The following ADAM17 variants were observed in gnomAD, a reference collection of about 807,000 sequenced individuals.
ADAM17 encodes the protein ADAM metallopeptidase domain 17, also known as disintegrin and metalloproteinase domain-containing protein 17.
In ADAM17, 39 loss-of-function variants were observed where a neutral mutation model predicts 96.7. That is an observed-to-expected ratio of 0.40 (90% CI 0.31 to 0.53). The LOEUF is 0.53. Ranked by LOEUF, ADAM17 falls within the 20% of genes least tolerant of loss-of-function variation. The probability of loss-of-function intolerance (pLI) is 0.44; values close to 1 mark genes in which losing one functional copy is unlikely to be tolerated. For synonymous variants in ADAM17, 344 were observed against 359.2 expected (o/e 0.96, Z 0.48); for missense variants, 777 against 1,013.2 (o/e 0.77, Z 3.17).
At chr2:9,529,063 T>C (rs1369576735) in intron 4 of ADAM17, among the ~76,000 whole-genome samples, 2 of 152,208 alleles carry the variant, frequency 1.3e-5, no homozygotes, top group African/African-American at 4.8e-5. Context: ...AGTTTATCCA[T>C]ACAATGGAAT....
chr2:9,537,901 GGAGGAGAGGGGGAGGA>G (rs1665034227), intron 2 of ADAM17, among the ~76,000 whole-genome samples: 34 of 61,986 alleles, frequency 5.5e-4, no homozygotes, highest in Non-Finnish European at 7.8e-4. Flanking sequence ...GGAGGGGAGG[GGAGGAGAGGGGGAGGA>G]GAGGGGAGGA....
intron 13 of ADAM17, among the ~76,000 whole-genome samples, chr2:9,498,174 C>T (rs892857520): frequency 6.6e-6 from 1 of 152,072 alleles, no homozygotes; most frequent in Non-Finnish European, 1.5e-5. Context: ...GGATTTCAGG[C>T]GTACGCCACC....
intron 1 of ADAM17, among the ~76,000 whole-genome samples, chr2:9,550,909 A>G (rs1463590765): frequency 6.7e-6 from 1 of 150,096 alleles, no homozygotes; most frequent in Non-Finnish European, 1.5e-5. Flanking sequence ...AATACAAAAA[A>G]AAAAAAAAAA....
intron 4 of ADAM17, among the ~76,000 whole-genome samples, chr2:9,529,703 G>C (rs1369891385): frequency 6.6e-6 from 1 of 152,164 alleles, no homozygotes; most frequent in Non-Finnish European, 1.5e-5. Context: ...GGGCGCGATG[G>C]CTCACGCCTG....
chr2:9,524,981 T>A (rs1191753103), intron 6 of ADAM17, among the ~76,000 whole-genome samples: 1 of 152,114 alleles, frequency 6.6e-6, no homozygotes, highest in Non-Finnish European at 1.5e-5. Context: ...AGACTAGATC[T>A]CTCATTATAT....
At chr2:9,509,431 T>C (rs909175822) in intron 11 of ADAM17, among the ~76,000 whole-genome samples, 2 of 152,212 alleles carry the variant, frequency 1.3e-5, no homozygotes, top group African/African-American at 2.4e-5. Context: ...AATGATTCCA[T>C]TAATTATTCA....
At chr2:9,554,363 T>G (rs1665676188) in intron 1 of ADAM17, among the ~76,000 whole-genome samples, 1 of 152,212 alleles carries the variant, frequency 6.6e-6, no homozygotes, top group African/African-American at 2.4e-5. Flanking sequence ...TGTACTGACT[T>G]ACCACTTCTC....
chr2:9,526,211 G>A lies in ADAM17; in HGVS notation c.653C>T (p.Pro218Leu). ...TTTACACGTGTTCTTCATGGGATCT[G>A]GGTCAGCTCTTCTTTTCACTCGATG... ...LVHRVKRRADPDPMKNTCKLL... is the reference protein window; with the variant it reads ...LVHRVKRRADLDPMKNTCKLL... The change falls in exon 6 of 19, where the codon CCA becomes CTA. Residue 218 changes from proline (P) to leucine (L), a missense_variant. By Grantham distance (98) the Pro-to-Leu change is moderately conservative. Around this residue, in one of 3 missense-constraint regions of ADAM17, gnomAD observed 446 missense variants for 664.7 expected, o/e 0.67. Transcript: ENST00000310823. 7 of 1,613,720 alleles carry A rather than the reference G, an allele frequency of 4.3e-6. No homozygotes were observed. Among genetic ancestry groups the A allele is most frequent in the Non-Finnish European group, 5.9e-6 (7 of 1,179,840 alleles).
At chr2:9,555,381 G>C (rs985326237) in intron 1 of ADAM17, 128 bp downstream of exon 1, 2 of 747,266 alleles carry the variant, frequency 2.7e-6, no homozygotes, top group South Asian at 4.2e-5. Flanking sequence ...CTTCTACACT[G>C]AAAACTTAGG....
At chr2:9,514,736 G>A (rs1663972457) in intron 10 of ADAM17, among the ~76,000 whole-genome samples, 1 of 151,238 alleles carries the variant, frequency 6.6e-6, no homozygotes, top group Non-Finnish European at 1.5e-5. Context: ...AGCCGGGCGT[G>A]GTGGTGGGGG....
At chr2:9,508,991 CA>C (rs34370506) in intron 11 of ADAM17, among the ~76,000 whole-genome samples, 11 of 150,238 alleles carry the variant, frequency 7.3e-5, no homozygotes, top group East Asian at 2.0e-4. Flanking sequence ...CATAAAAAGC[CA>C]AAAAAAAATG....
chr2:9,490,311 G>C lies in ADAM17; in HGVS notation c.2341C>G (p.Pro781Ala). The C allele has an allele frequency of 6.2e-7, 1 of 1,614,094 alleles. No homozygotes were observed. Among genetic ancestry groups the C allele is most frequent in the South Asian group, 1.1e-5 (1 of 91,054 alleles). ...HMDEDGFEKD[P>A]FPNSSTAAKS... ...GCAGCTGTGCTGCTATTTGGGAAGG[G>C]GTCCTTCTCAAACCCATCCTCGTCC... Residue 781 changes from proline to alanine, a missense_variant, in exon 19 of 19, where the codon CCC becomes GCC. Pro to Ala is a conservative substitution (Grantham distance 27). This residue lies in a region of ADAM17 where 197 missense variants were observed against 219.4 expected (regional missense o/e 0.90). Coordinates refer to ENST00000310823, the MANE Select transcript of ADAM17 (RefSeq NM_003183.6).
At chr2:9,495,329 TA>T (rs1662492202) in intron 14 of ADAM17, among the ~76,000 whole-genome samples, 1 of 152,228 alleles carries the variant, frequency 6.6e-6, no homozygotes, top group African/African-American at 2.4e-5. Flanking sequence ...CATGTGGGCA[TA>T]CATAAGAATG....
At chr2:9,530,594 C>A (rs13405870) in intron 4 of ADAM17, among the ~76,000 whole-genome samples, 1 of 152,080 alleles carries the variant, frequency 6.6e-6, no homozygotes, top group South Asian at 2.1e-4. Context: ...AGGCAGAAAA[C>A]TGGATTGGAT....
At chr2:9,539,001 A>G (rs1204565443) in intron 2 of ADAM17, among the ~76,000 whole-genome samples, 2 of 152,194 alleles carry the variant, frequency 1.3e-5, no homozygotes, top group African/African-American at 2.4e-5. Flanking sequence ...TTTCACTTTT[A>G]GGAGAAACAT....
At position 9,510,088 on chromosome 2, in the gene ADAM17, C is replaced by G; in HGVS notation, c.1235G>C (p.Gly412Ala). ...TAGACCATCCGGATCATGTTCTGCT[C>G]CAAAATTATGTCCCAATTCATGAGT... ...VTTHELGHNFGAEHDPDGLAE... is the reference protein window; with the variant it reads ...VTTHELGHNFAAEHDPDGLAE... Residue 412 changes from glycine to alanine, a missense_variant, in exon 11 of 19, where the codon GGA (glycine) becomes GCA (alanine). This residue lies in a region of ADAM17 where 446 missense variants were observed against 664.7 expected (regional missense o/e 0.67). Transcript: ENST00000310823. The G allele has an allele frequency of 6.2e-7, 1 of 1,614,152 alleles. No individual in the cohort carries two copies. The highest frequency in any genetic ancestry group is 1.7e-5 in the Admixed American group (1 of 60,012).
chr2:9,503,703 G>A (rs1207910221), intron 12 of ADAM17, among the ~76,000 whole-genome samples: 2 of 151,858 alleles, frequency 1.3e-5, no homozygotes, highest in Non-Finnish European at 2.9e-5. Flanking sequence ...GCTGGGCGTG[G>A]TGGTGCACAC....
At position 9,518,801 on chromosome 2, in the gene ADAM17, AT is replaced by A. The variant is rs993893957; in HGVS notation, c.958-555del. Among the ~76,000 whole-genome samples the A allele has an allele frequency of 5.9e-4, 88 of 149,772 alleles. 1 individual carries two copies. Among genetic ancestry groups the A allele is most frequent in the South Asian group, 2.3e-3 (11 of 4,744 alleles). On this transcript the variant is annotated intron_variant, in intron 8 of 18. Transcript: ENST00000310823. ...AAATCAACACTGCAGGTTTGAGAGG[AT>A]TTTTTTTTTCTTAATTTAAAAGGGC...
chr2:9,516,917 A>C (rs913320746), intron 10 of ADAM17, among the ~76,000 whole-genome samples: 1 of 152,174 alleles, frequency 6.6e-6, no homozygotes, highest in Non-Finnish European at 1.5e-5. Context: ...CGTTGAGGCT[A>C]AGGGCAGCCA....
Sources: allele counts gnomAD v4.1 joint callset (sites outside exome capture counted in the v4.1 genomes callset), GRCh38; gene constraint gnomAD v4.1.1; regional missense constraint gnomAD v4.1.1; transcripts MANE v1.5; gene names NCBI Gene and HGNC (gene_info 2026-07-23, HGNC 2026-07-21).